ASPH: variants seen among roughly 807,000 people sequenced by gnomAD.
ASPH encodes aspartate beta-hydroxylase.
ASPH carries 100 observed loss-of-function variants against 118.4 expected under a neutral mutation model. That is an observed-to-expected ratio of 0.84 (90% CI 0.72 to 1.00). The LOEUF (loss-of-function observed/expected upper bound fraction) is 1.00. Among genes scored for constraint, ASPH ranks in the 50% least tolerant of loss-of-function variants. The probability of loss-of-function intolerance (pLI) is 0.00; values close to 1 mark genes in which losing one functional copy is unlikely to be tolerated. For missense variants in ASPH, 920 were observed against 919.5 expected, an observed-to-expected ratio of 1.00 and a Z score of -0.01; for synonymous variants, 315 against 325.6, an observed-to-expected ratio of 0.97 and a Z score of 0.35.
chr8:61,714,225 C>T, intron 1 of ASPH, 44 bp downstream of exon 1: 2 of 1,428,448 alleles, frequency 1.4e-6, no homozygotes, highest in Non-Finnish European at 1.8e-6. Context: ...CGGCTCCCTA[C>T]CCCGAGGCGA....
At chr8:61,577,421 A>AAAAAAG (rs1197809235) in intron 15 of ASPH, among the ~76,000 whole-genome samples, 10 of 148,370 alleles carry the variant, frequency 6.7e-5, no homozygotes, top group African/African-American at 2.5e-4. Context: ...AAAAAAAAAA[A>AAAAAAG]AAGACAAGAC....
intron 21 of ASPH, among the ~76,000 whole-genome samples, chr8:61,544,544 G>C (rs192913861): frequency 6.6e-6 from 1 of 152,120 alleles, no homozygotes; most frequent in African/African-American, 2.4e-5. Flanking sequence ...TTTCTCTCTA[G>C]GCCTTCCTCT....
chr8:61,577,264 A>G (rs1224951664), intron 15 of ASPH, among the ~76,000 whole-genome samples: 1 of 151,900 alleles, frequency 6.6e-6, no homozygotes, highest in East Asian at 1.9e-4. Flanking sequence ...AACATGGCAC[A>G]TGTATACTGT....
At chr8:61,585,871 C>G (rs554228105) in intron 14 of ASPH, among the ~76,000 whole-genome samples, 6 of 152,292 alleles carry the variant, frequency 3.9e-5, no homozygotes, top group Non-Finnish European at 7.4e-5. Context: ...TGGCACTAAA[C>G]TTTTCTGGGT....
At chr8:61,689,747 A>G (rs956363286) in intron 1 of ASPH, 83 of 1,536,620 alleles carry the variant, frequency 5.4e-5, no homozygotes, top group Non-Finnish European at 7.2e-5. Context: ...AAAAAAAAAA[A>G]CTCAAAAGTA....
intron 14 of ASPH, among the ~76,000 whole-genome samples, chr8:61,609,253 T>A (rs1250273004): frequency 1.3e-5 from 2 of 152,154 alleles, no homozygotes; most frequent in African/African-American, 4.8e-5. Flanking sequence ...CACGTGGAAA[T>A]CCTGCTTTCT....
At chr8:61,682,515 T>C (rs1392553318) in intron 2 of ASPH, 39 of 1,590,914 alleles carry the variant, frequency 2.5e-5, no homozygotes, top group Non-Finnish European at 3.2e-5. Context: ...AAAACTGTTA[T>C]TTGTGCTTAA....
At chr8:61,620,613 A>G (rs751999765) in intron 13 of ASPH, among the ~76,000 whole-genome samples, 10 of 152,120 alleles carry the variant, frequency 6.6e-5, no homozygotes, top group Non-Finnish European at 1.3e-4. Flanking sequence ...CATTCAGCAA[A>G]TATTAACTGA....
chr8:61,709,455 G>T (rs889041242), intron 1 of ASPH, among the ~76,000 whole-genome samples: 1 of 152,120 alleles, frequency 6.6e-6, no homozygotes, highest in Non-Finnish European at 1.5e-5. Context: ...CTGCAGGACC[G>T]AACCAGAGAA....
intron 10 of ASPH, among the ~76,000 whole-genome samples, chr8:61,642,314 C>A (rs998396502): frequency 4.6e-5 from 7 of 152,202 alleles, no homozygotes; most frequent in African/African-American, 1.7e-4. Flanking sequence ...AAAAGAGACA[C>A]AACTATAAAG....
chr8:61,579,600 G>A (rs533090816), intron 15 of ASPH: 64 of 1,523,066 alleles, frequency 4.2e-5, no homozygotes, highest in Middle Eastern at 2.1e-4. Context: ...CTCCAGGGCC[G>A]TGGTTGTGAA....
At position 61,503,312 on chromosome 8, in the gene ASPH, G is replaced by A; in HGVS notation, c.*47C>T. 6.4e-7 allele frequency: 1 copy of A among 1,559,346 alleles called. No individual in the cohort carries two copies. Among genetic ancestry groups the A allele is most frequent in the South Asian group, 1.2e-5 (1 of 84,176 alleles). Reference sequence around the variant, plus strand: ...CCTCACACCCAAGGAGATGGAACCAGAAAGGCAGCCTCTCTCCAGAGTTTC... The same window carrying A: ...CCTCACACCCAAGGAGATGGAACCAAAAAGGCAGCCTCTCTCCAGAGTTTC... On this transcript the variant is annotated 3_prime_UTR_variant, in exon 25 of 25. Transcript: ENST00000379454.
intron 18 of ASPH, among the ~76,000 whole-genome samples, chr8:61,562,282 C>T (rs1259422592): frequency 2.7e-5 from 1 of 36,432 alleles, no homozygotes; most frequent in Non-Finnish European, 5.9e-5. Flanking sequence ...AGTCAGTGCC[C>T]TGCTGAAAAG....
chr8:61,609,469 T>C (rs751362641), intron 14 of ASPH, among the ~76,000 whole-genome samples: 3 of 152,090 alleles, frequency 2.0e-5, no homozygotes, highest in Non-Finnish European at 4.4e-5. Flanking sequence ...CAAAGGACTG[T>C]GGGGTGGATC....
intron 12 of ASPH, among the ~76,000 whole-genome samples, chr8:61,634,467 A>C (rs1420354595): frequency 1.3e-5 from 2 of 152,208 alleles, no homozygotes; most frequent in Non-Finnish European, 2.9e-5. Context: ...TTATGGAGCT[A>C]TTTTAATAAT....
chr8:61,551,225 A>G (rs1825883823), intron 20 of ASPH, among the ~76,000 whole-genome samples: 1 of 152,166 alleles, frequency 6.6e-6, no homozygotes, highest in Admixed American at 6.5e-5. Context: ...CGGACCACTT[A>G]GAAAAATTTT....
intron 15 of ASPH, chr8:61,579,035 C>G: frequency 6.2e-7 from 1 of 1,610,810 alleles, no homozygotes. Context: ...ATATTGCCAA[C>G]CAAAGACGGG....
chr8:61,555,237 G>A (rs2131223141), intron 19 of ASPH, among the ~76,000 whole-genome samples: 1 of 152,010 alleles, frequency 6.6e-6, no homozygotes, highest in South Asian at 2.1e-4. Flanking sequence ...AACATATAAT[G>A]CATTGTCTAT....
intron 3 of ASPH, among the ~76,000 whole-genome samples, chr8:61,672,365 G>A (rs1418023161): frequency 6.6e-6 from 1 of 151,842 alleles, no homozygotes; most frequent in Non-Finnish European, 1.5e-5. Context: ...CAGAGACAGA[G>A]AAAAAAAGGT....
Sources: allele counts gnomAD v4.1 joint callset (sites outside exome capture counted in the v4.1 genomes callset), GRCh38; gene constraint gnomAD v4.1.1; transcripts MANE v1.5; gene names NCBI Gene and HGNC (gene_info 2026-07-23, HGNC 2026-07-21).